TMEM131L: variants seen among roughly 807,000 people sequenced by gnomAD.
The protein encoded by TMEM131L is transmembrane protein 131-like.
Under a neutral mutation model 192.2 loss-of-function variants are expected in TMEM131L, and 54 were observed. That is an observed-to-expected ratio of 0.28 (90% confidence interval 0.23 to 0.35). The LOEUF is 0.35. Ranked by LOEUF, TMEM131L falls within the 10% of genes least tolerant of loss-of-function variation. The probability of loss-of-function intolerance (pLI) is 1.00; values close to 1 mark genes in which losing one functional copy is unlikely to be tolerated. For synonymous variants in TMEM131L, 701 were observed against 704.9 expected, an observed-to-expected ratio of 0.99 and a Z score of 0.09; for missense variants, 1,888 against 1,972.9, an observed-to-expected ratio of 0.96 and a Z score of 0.82.
At chr4:153,491,056 A>C (rs1421776194) in intron 3 of TMEM131L, among the ~76,000 whole-genome samples, 3 of 152,168 alleles carry the variant, frequency 2.0e-5, no homozygotes, top group African/African-American at 2.4e-5. Flanking sequence ...TCCGTGTCGA[A>C]GTCAGAAATA....
intron 7 of TMEM131L, among the ~76,000 whole-genome samples, chr4:153,572,465 G>A (rs1001313347): frequency 3.9e-5 from 6 of 152,064 alleles, no homozygotes; most frequent in Non-Finnish European, 8.8e-5. Context: ...CAAGTAGCTG[G>A]GATTACAGGT....
chr4:153,622,843 A>G lies in TMEM131L; in HGVS notation c.3860-55A>G, dbSNP rs56395606. 0.029 allele frequency: 45,700 copies of G among 1,566,230 alleles called. 1,068 individuals are homozygous for G. The highest frequency in any genetic ancestry group is 0.11 in the Admixed American group (6,649 of 59,870). On this transcript the variant is annotated intron_variant, in intron 28 of 34. Transcript: ENST00000409959. Reference sequence around the variant, plus strand: ...TGTCACCTCTCTCTTTCTGTTAGAAATGCATGAGGTTGACAGTTGTTTCAG... The same window carrying G: ...TGTCACCTCTCTCTTTCTGTTAGAAGTGCATGAGGTTGACAGTTGTTTCAG...
chr4:153,486,237 A>C (rs967968319), intron 3 of TMEM131L, among the ~76,000 whole-genome samples: 12 of 152,176 alleles, frequency 7.9e-5, no homozygotes, highest in African/African-American at 2.7e-4. Flanking sequence ...TAACTTCTTT[A>C]GTTTTATGCT....
At chr4:153,500,439 T>C (rs1307418289) in intron 3 of TMEM131L, among the ~76,000 whole-genome samples, 3 of 152,188 alleles carry the variant, frequency 2.0e-5, no homozygotes, top group Non-Finnish European at 2.9e-5. Context: ...TTGCCAATAG[T>C]GGATAGAGTG....
At chr4:153,622,381 C>T (rs1346073404) in intron 28 of TMEM131L, among the ~76,000 whole-genome samples, 1 of 152,188 alleles carries the variant, frequency 6.6e-6, no homozygotes, top group African/African-American at 2.4e-5. Context: ...CCACTTTCTC[C>T]AGACGCATGC....
In TMEM131L at chr4:153,565,387, G is replaced by T. The variant is rs145839246; in HGVS notation, c.660+7019G>T. Reference sequence around the variant, plus strand: ...ACCACATCAACCAGTTTGACCTTCAGCAGATTTACTACCGGGGCAGGTGGT... The same window carrying T: ...ACCACATCAACCAGTTTGACCTTCATCAGATTTACTACCGGGGCAGGTGGT... On this transcript the variant is annotated intron_variant, in intron 7 of 34. Coordinates refer to ENST00000409959, the MANE Select transcript of TMEM131L (RefSeq NM_001131007.2). 9.9e-3 allele frequency among the ~76,000 whole-genome samples: 1,500 copies of T among 152,272 alleles called. 105 individuals carry two copies. The highest frequency in any genetic ancestry group is 0.092 in the Admixed American group (1,401 of 15,290).
At chr4:153,571,897 T>TG (rs1426505872) in intron 7 of TMEM131L, among the ~76,000 whole-genome samples, 1 of 152,242 alleles carries the variant, frequency 6.6e-6, no homozygotes, top group Non-Finnish European at 1.5e-5. Flanking sequence ...GCTGAGATCT[T>TG]GCCTGTCTTC....
At chr4:153,616,460 A>G (rs1434377596) in intron 26 of TMEM131L, among the ~76,000 whole-genome samples, 1 of 152,224 alleles carries the variant, frequency 6.6e-6, no homozygotes, top group Non-Finnish European at 1.5e-5. Context: ...AGCTTACAAA[A>G]TTGTATAAAT....
At position 153,466,569 on chromosome 4, in the gene TMEM131L, G is replaced by C. The variant is rs1373010671; in HGVS notation, c.124+48G>C. 11 of 1,271,312 alleles carry C rather than the reference G, an allele frequency of 8.7e-6. No individual in the cohort carries two copies. The South Asian group carries it at 2.2e-4, about 26-fold the overall frequency. 78.8% of individuals were successfully genotyped at this position (1,271,312 alleles called of 1,614,324 possible). On this transcript the variant is annotated intron_variant, in intron 1 of 34. Coordinates refer to ENST00000409959, the MANE Select transcript of TMEM131L (RefSeq NM_001131007.2). Reference sequence around the variant, plus strand: ...CGCTCTGCCTCTCCACCCCGCCCCCGCTCTTTCTTTTAGGGAACTGCTGAA... The same window carrying C: ...CGCTCTGCCTCTCCACCCCGCCCCCCCTCTTTCTTTTAGGGAACTGCTGAA...
rs1433251392 is a variant in TMEM131L, at chr4:153,632,699, G to A, written c.4208-19G>A. The A allele has an allele frequency of 1.2e-6, 2 of 1,613,818 alleles. No homozygotes were observed. The highest frequency in any genetic ancestry group is 1.7e-6 in the Non-Finnish European group (2 of 1,179,918). On this transcript the variant is annotated intron_variant, in intron 31 of 34. Coordinates refer to ENST00000409959, the MANE Select transcript of TMEM131L (RefSeq NM_001131007.2). ...CCAGGTGAGGATAGGGTGGACTCAG[G>A]CCTTGTTCTCTTCCGTAGGTCTTTA... is the stretch of plus-strand genomic sequence containing the variant.
At chr4:153,583,517 ACT>A in intron 10 of TMEM131L, 45 bp from the exon 11 acceptor site, 1 of 1,255,078 alleles carries the variant, frequency 8.0e-7, no homozygotes, top group Non-Finnish European at 1.2e-6. Context: ...CTGGATAAAT[ACT>A]CTCCCAGCTG....
intron 3 of TMEM131L, among the ~76,000 whole-genome samples, chr4:153,527,328 AGT>A (rs144151397): frequency 0.041 from 6,247 of 152,090 alleles, 435 homozygotes; most frequent in African/African-American, 0.14. Flanking sequence ...GCTGTAGTGC[AGT>A]GGTACGATCT....
chr4:153,493,203 G>A (rs917367990), intron 3 of TMEM131L, among the ~76,000 whole-genome samples: 4 of 151,376 alleles, frequency 2.6e-5, no homozygotes, highest in East Asian at 1.9e-4. Flanking sequence ...AAAATTAGCC[G>A]GGCGTGGTGG....
At chr4:153,508,191 A>T (rs1734111851) in intron 3 of TMEM131L, among the ~76,000 whole-genome samples, 1 of 152,176 alleles carries the variant, frequency 6.6e-6, no homozygotes, top group Non-Finnish European at 1.5e-5. Context: ...AGGAATGGGT[A>T]TTGGATATTT....
chr4:153,539,658 G>T (rs949322309), intron 3 of TMEM131L, among the ~76,000 whole-genome samples: 1 of 151,972 alleles, frequency 6.6e-6, no homozygotes, highest in Non-Finnish European at 1.5e-5. Context: ...GAAGCAGGAG[G>T]CTCCCTTGCT....
chr4:153,604,141 G>A lies in TMEM131L; in HGVS notation c.3129G>A (p.Leu1043=). ...LRYASGINVN[L]QKNLTLPKNL... ...ATGCAAGTGGCATAAATGTCAACCTGCAGAAGAATTTAACCCTTCCCAAAA... is the reference window on the plus strand; with the variant it reads ...ATGCAAGTGGCATAAATGTCAACCTACAGAAGAATTTAACCCTTCCCAAAA... Residue 1043 remains leucine (L), a synonymous_variant, in exon 25 of 35, where the codon CTG becomes CTA. Coordinates refer to ENST00000409959, the MANE Select transcript of TMEM131L (RefSeq NM_001131007.2). The A allele has an allele frequency of 6.2e-7, 1 of 1,614,154 alleles. No individual in the cohort carries two copies.
intron 3 of TMEM131L, among the ~76,000 whole-genome samples, chr4:153,496,026 A>G (rs1733147051): frequency 6.6e-6 from 1 of 152,172 alleles, no homozygotes; most frequent in African/African-American, 2.4e-5. Flanking sequence ...ATGGATTCCT[A>G]GAGTGCCAAC....
In TMEM131L at chr4:153,602,484, C is replaced by T. The variant is rs1214192714; in HGVS notation, c.2454-58C>T. 1.5e-5 allele frequency: 23 copies of T among 1,567,222 alleles called. No individual in the cohort carries two copies. In the South Asian group the frequency reaches 1.9e-4, roughly 13 times the overall value. ...AGTATGATGTGTTGTCATTATTTTG[C>T]CTTGTGGCTAAAATCAAAACAATTA... On this transcript the variant is annotated intron_variant, in intron 22 of 34. Coordinates refer to ENST00000409959, the MANE Select transcript of TMEM131L (RefSeq NM_001131007.2).
In TMEM131L at chr4:153,605,738, T is replaced by G. The variant is rs73856932; in HGVS notation, c.3418+1308T>G. On this transcript the variant is annotated intron_variant, in intron 25 of 34. Transcript: ENST00000409959. ...TGAAGCATCTAAATATAACTTCATC[T>G]TTTTCACTTCTTGATATTGGAGAAG... is the stretch of plus-strand genomic sequence containing the variant. Among the ~76,000 whole-genome samples, 510 of 152,360 alleles carry G rather than the reference T, an allele frequency of 3.3e-3. 4 individuals are homozygous for G. Among genetic ancestry groups the G allele is most frequent in the African/African-American group, 0.011 (468 of 41,580 alleles).
Sources: allele counts gnomAD v4.1 joint callset (sites outside exome capture counted in the v4.1 genomes callset), GRCh38; gene constraint gnomAD v4.1.1; transcripts MANE v1.5; gene names NCBI Gene and HGNC (gene_info 2026-07-23, HGNC 2026-07-21).